FRMD3: variants seen among roughly 807,000 people sequenced by gnomAD.
The protein encoded by FRMD3 is FERM domain-containing protein 3.
In FRMD3, 33 loss-of-function variants were observed where a neutral mutation model predicts 70.2. The ratio of observed to expected loss-of-function variants is 0.47; its 90% CI spans 0.36 to 0.63. The LOEUF (loss-of-function observed/expected upper bound fraction) is 0.63, where lower values mean the gene tolerates loss of function less well. Ranked by LOEUF, FRMD3 falls within the 20% of genes least tolerant of loss-of-function variation. The pLI is 0.00. For synonymous variants in FRMD3, 279 were observed against 255.9 expected (o/e 1.09, Z -0.86); for missense variants, 632 against 711.4 (o/e 0.89, Z 1.27).
chr9:83,510,724 A>T (rs1829320048), intron 1 of FRMD3, among the ~76,000 whole-genome samples: 1 of 152,248 alleles, frequency 6.6e-6, no homozygotes, highest in African/African-American at 2.4e-5. Flanking sequence ...AACATGAGTG[A>T]ACCTTGAAAA....
chr9:83,353,252 T>G (rs1459540886), intron 3 of FRMD3, among the ~76,000 whole-genome samples: 2 of 120,840 alleles, frequency 1.7e-5, no homozygotes, highest in African/African-American at 3.2e-5. Flanking sequence ...AATGTCTTCA[T>G]CCAGGCCTGA....
At chr9:83,325,940 T>C (rs753249515) in intron 6 of FRMD3, among the ~76,000 whole-genome samples, 2 of 152,220 alleles carry the variant, frequency 1.3e-5, no homozygotes, top group African/African-American at 2.4e-5. Flanking sequence ...TGGAACATCA[T>C]CACACCCACT....
the FRMD3 span, among the ~76,000 whole-genome samples, chr9:83,561,870 C>T: frequency 1.3e-5 from 2 of 152,204 alleles, no homozygotes; most frequent in African/African-American, 4.8e-5. Context: ...TGCCACCACA[C>T]ATCTCCTAGA....
chr9:83,417,152 C>A (rs1297387666), intron 1 of FRMD3, among the ~76,000 whole-genome samples: 2 of 152,184 alleles, frequency 1.3e-5, no homozygotes, highest in Non-Finnish European at 1.5e-5. Context: ...ATATCATTAG[C>A]TTTTGGTCCA....
chr9:83,351,323 T>TACACCCACAC (rs1554691466), intron 3 of FRMD3, among the ~76,000 whole-genome samples: 2 of 143,774 alleles, frequency 1.4e-5, no homozygotes, highest in Admixed American at 1.4e-4. Context: ...AAACTGATCA[T>TACACCCACAC]ACACACACAC....
chr9:83,304,290 T>C (rs1031196127), intron 10 of FRMD3, among the ~76,000 whole-genome samples: 1 of 152,200 alleles, frequency 6.6e-6, no homozygotes, highest in Non-Finnish European at 1.5e-5. Context: ...TAATAGTTTT[T>C]AAAAGCTCCT....
At chr9:83,273,079 C>A (rs200557406) in intron 13 of FRMD3, among the ~76,000 whole-genome samples, 1 of 151,540 alleles carries the variant, frequency 6.6e-6, no homozygotes, top group African/African-American at 2.4e-5. Flanking sequence ...CCGGCCACCC[C>A]TTCTGGGAAG....
intron 1 of FRMD3, among the ~76,000 whole-genome samples, chr9:83,435,881 C>T (rs1827119669): frequency 6.6e-6 from 1 of 152,158 alleles, no homozygotes; most frequent in Non-Finnish European, 1.5e-5. Context: ...GTGACTTTAA[C>T]ATGGTCCTAA....
intron 1 of FRMD3, among the ~76,000 whole-genome samples, chr9:83,433,274 A>G (rs1035008154): frequency 6.6e-6 from 1 of 152,244 alleles, no homozygotes; most frequent in Non-Finnish European, 1.5e-5. Context: ...AATAAAGAAC[A>G]TTGGTGGAAG....
the FRMD3 span, among the ~76,000 whole-genome samples, chr9:83,544,270 C>T: frequency 5.3e-5 from 8 of 152,294 alleles, no homozygotes; most frequent in South Asian, 1.0e-3. Flanking sequence ...TGCGTTTCTG[C>T]ACCATGGAGC....
chr9:83,492,533 A>G (rs10780606), intron 1 of FRMD3, among the ~76,000 whole-genome samples: 102,981 of 152,022 alleles, frequency 0.68, 35,142 homozygotes, highest in African/African-American at 0.73. Context: ...CCCTGGGGCC[A>G]GGGCAGGCAG....
At chr9:83,306,616 C>T (rs1426089783) in intron 10 of FRMD3, among the ~76,000 whole-genome samples, 5 of 152,106 alleles carry the variant, frequency 3.3e-5, no homozygotes, top group Non-Finnish European at 5.9e-5. Flanking sequence ...TTCATTTCCC[C>T]CTTGGTCTCT....
At chr9:83,406,003 A>G (rs1466333817) in intron 1 of FRMD3, among the ~76,000 whole-genome samples, 2 of 151,844 alleles carry the variant, frequency 1.3e-5, no homozygotes, top group Non-Finnish European at 2.9e-5. Flanking sequence ...TTTTCCAGCA[A>G]TTCTATCACA....
chr9:83,504,549 C>T (rs1829141268), intron 1 of FRMD3, among the ~76,000 whole-genome samples: 1 of 152,092 alleles, frequency 6.6e-6, no homozygotes, highest in Non-Finnish European at 1.5e-5. Flanking sequence ...AAGACCTTTA[C>T]ATCTGTTCTC....
chr9:83,559,135 A>T, the FRMD3 span, among the ~76,000 whole-genome samples: 1 of 152,210 alleles, frequency 6.6e-6, no homozygotes, highest in African/African-American at 2.4e-5. Flanking sequence ...TTTGAAAGAC[A>T]TTCTATTGTG....
chr9:83,350,114 C>A (rs1195442448), intron 3 of FRMD3, among the ~76,000 whole-genome samples: 2 of 152,078 alleles, frequency 1.3e-5, no homozygotes, highest in African/African-American at 4.8e-5. Context: ...AAACAAATTG[C>A]ACATAAGCAC....
intron 1 of FRMD3, among the ~76,000 whole-genome samples, chr9:83,501,293 CA>C (rs200128163): frequency 6.3e-5 from 9 of 142,938 alleles, no homozygotes; most frequent in East Asian, 2.0e-4. Flanking sequence ...GACTCCATCT[CA>C]AAAAAAAAAA....
chr9:83,550,587 T>A, the FRMD3 span, among the ~76,000 whole-genome samples: 1 of 152,120 alleles, frequency 6.6e-6, no homozygotes, highest in East Asian at 1.9e-4. Flanking sequence ...ACATGGGATG[T>A]TTTTCCACTT....
At chr9:83,348,656 C>A (rs867240768) in intron 4 of FRMD3, among the ~76,000 whole-genome samples, 1 of 152,076 alleles carries the variant, frequency 6.6e-6, no homozygotes, top group Non-Finnish European at 1.5e-5. Flanking sequence ...AAAGAAAAAA[C>A]CAGGCCAGAT....
Sources: gnomAD v4.1 joint callset for allele counts (sites outside exome capture counted in the v4.1 genomes callset) on GRCh38, gnomAD v4.1.1 for gene constraint, MANE v1.5 for transcripts, NCBI Gene and HGNC (gene_info 2026-07-23, HGNC 2026-07-21) for gene names.